Variants in PSD3 observed in about 807,000 individuals in gnomAD.
PSD3 encodes the protein PH and SEC7 domain-containing protein 3.
Under a neutral mutation model 105.5 loss-of-function variants are expected in PSD3, and 49 were observed. The observed-to-expected ratio is 0.46, with a 90% CI of 0.37 to 0.59. The LOEUF (loss-of-function observed/expected upper bound fraction) is 0.59, where lower values mean the gene tolerates loss of function less well. Among genes scored for constraint, PSD3 ranks in the 20% least tolerant of loss-of-function variants. PSD3 has a pLI of 0.00. For missense variants in PSD3, 1,561 were observed against 1,263.8 expected, an observed-to-expected ratio of 1.24 and a Z score of -3.57; for synonymous variants, 557 against 457.8, an observed-to-expected ratio of 1.22 and a Z score of -2.77.
In PSD3 at chr8:18,533,608, G is replaced by A. The variant is rs541978702; in HGVS notation, c.*2135C>T. 1.5e-4 allele frequency: 23 copies of A among 152,244 alleles called. No individual in the cohort carries two copies. Among genetic ancestry groups the A allele is most frequent in the African/African-American group, 5.3e-4 (22 of 41,544 alleles). The allele number at this position is 152,244 out of a possible 1,614,324, so 9.4% of individuals were successfully genotyped here. ...TTCTATATACATAGATATAGACTGT[G>A]GGCAAACACATTCAAGCCACTCAGG... On this transcript the variant is annotated 3_prime_UTR_variant, in exon 16 of 16. Transcript: ENST00000327040.
At chr8:18,882,691 C>G (rs1818185891) in intron 2 of PSD3, among the ~76,000 whole-genome samples, 1 of 151,954 alleles carries the variant, frequency 6.6e-6, no homozygotes, top group Non-Finnish European at 1.5e-5. Flanking sequence ...TCCACAGAAG[C>G]CTATTTACAT....
intron 9 of PSD3, among the ~76,000 whole-genome samples, chr8:18,759,414 A>C (rs1231121392): frequency 3.3e-5 from 5 of 152,116 alleles, no homozygotes; most frequent in Non-Finnish European, 7.4e-5. Context: ...AACATTCTGC[A>C]AATTGTGTTC....
intron 1 of PSD3, among the ~76,000 whole-genome samples, chr8:18,966,483 A>T (rs528123335): frequency 1.3e-5 from 2 of 152,024 alleles, no homozygotes; most frequent in Admixed American, 1.3e-4. Context: ...AGGTAGGAGA[A>T]TTACTTGAAC....
rs547547739 is a variant in PSD3 at position 19,005,831 on chromosome 8, T to C, written c.21+7732A>G. ...GATGAATATGCTCTAAAATTGACTA[T>C]GGTGATGGGTGCACAACTCCATGAA... On this transcript the variant is annotated intron_variant, in intron 1 of 15. Coordinates refer to ENST00000327040, the MANE Select transcript of PSD3 (RefSeq NM_015310.4). Among the ~76,000 whole-genome samples the C allele has an allele frequency of 1.2e-3, 179 of 151,972 alleles. 2 individuals carry two copies. Among genetic ancestry groups the C allele is most frequent in the Non-Finnish European group, 7.2e-4 (49 of 67,918 alleles).
chr8:18,535,889 T>G lies in PSD3; in HGVS notation c.2998A>C (p.Ser1000Arg), dbSNP rs201389897. The change falls in exon 16 of 16, where the codon AGC becomes CGC. Residue 1000 changes from serine (S) to arginine (R), a missense_variant. Transcript: ENST00000327040. ...GACTTCTTCAGTCCTGCAGCCTCGC[T>G]TTCATCGTTACTCAGTAGCTCTTTG... Reference protein sequence around the residue: ...GGKELLSNDESEAAGLKKSHS... With the variant: ...GGKELLSNDEREAAGLKKSHS... 1 of 1,614,076 alleles carries G rather than the reference T, an allele frequency of 6.2e-7. No individual in the cohort carries two copies. Among genetic ancestry groups the G allele is most frequent in the African/African-American group, 1.3e-5 (1 of 74,930 alleles).
At chr8:18,542,615 C>T (rs886200248) in intron 15 of PSD3, among the ~76,000 whole-genome samples, 1 of 152,266 alleles carries the variant, frequency 6.6e-6, no homozygotes, top group Admixed American at 6.5e-5. Flanking sequence ...AGATAGGGCA[C>T]ATTAAAAATG....
chr8:18,934,420 T>C (rs1158354248), intron 2 of PSD3, among the ~76,000 whole-genome samples: 2 of 151,414 alleles, frequency 1.3e-5, no homozygotes, highest in South Asian at 2.1e-4. Context: ...TCTAAGATCC[T>C]TTTTTTTTGA....
At chr8:18,926,819 G>A (rs531553894) in intron 2 of PSD3, among the ~76,000 whole-genome samples, 25 of 152,104 alleles carry the variant, frequency 1.6e-4, no homozygotes, top group Middle Eastern at 3.4e-3. Flanking sequence ...CTATCTACCC[G>A]GATATGGCAT....
At chr8:18,840,837 T>C (rs1814559637) in intron 4 of PSD3, among the ~76,000 whole-genome samples, 1 of 152,130 alleles carries the variant, frequency 6.6e-6, no homozygotes, top group Non-Finnish European at 1.5e-5. Flanking sequence ...GAATACAGAA[T>C]ATATAAAGGG....
chr8:18,592,493 C>G (rs190505174), intron 12 of PSD3, among the ~76,000 whole-genome samples: 2 of 152,076 alleles, frequency 1.3e-5, no homozygotes, highest in Non-Finnish European at 2.9e-5. Flanking sequence ...AAACAGACAT[C>G]CAGATTCGAG....
At chr8:18,690,683 G>A (rs1011973626) in intron 9 of PSD3, among the ~76,000 whole-genome samples, 2 of 152,148 alleles carry the variant, frequency 1.3e-5, no homozygotes, top group East Asian at 1.9e-4. Flanking sequence ...ACACACCACC[G>A]CTTTCCTAAA....
intron 2 of PSD3, among the ~76,000 whole-genome samples, chr8:18,921,174 T>G (rs1045076971): frequency 6.6e-6 from 1 of 152,218 alleles, no homozygotes; most frequent in African/African-American, 2.4e-5. Flanking sequence ...CAGAATTATC[T>G]TCTCACTATT....
intron 1 of PSD3, among the ~76,000 whole-genome samples, chr8:18,996,931 G>A (rs1826108168): frequency 6.6e-6 from 1 of 151,710 alleles, no homozygotes; most frequent in Non-Finnish European, 1.5e-5. Flanking sequence ...TTACTTCCCG[G>A]GAGAATCTGA....
intron 14 of PSD3, among the ~76,000 whole-genome samples, chr8:18,559,944 T>C (rs1801295551): frequency 6.6e-6 from 1 of 152,158 alleles, no homozygotes. Context: ...ACAAAGGAAC[T>C]AACCGAGGAA....
chr8:18,814,595 C>T (rs2638660), intron 4 of PSD3, among the ~76,000 whole-genome samples: 150,898 of 152,370 alleles, frequency 0.99, 74,745 homozygotes, highest in Middle Eastern at 1. Context: ...ACCCATATTA[C>T]AATCATTTCA....
intron 9 of PSD3, among the ~76,000 whole-genome samples, chr8:18,658,905 C>T (rs1183607893): frequency 6.6e-6 from 1 of 152,122 alleles, no homozygotes; most frequent in East Asian, 1.9e-4. Flanking sequence ...CCTTGTTTCT[C>T]CACTACACAA....
intron 2 of PSD3, among the ~76,000 whole-genome samples, chr8:18,917,293 C>T (rs1820687538): frequency 6.6e-6 from 1 of 152,198 alleles, no homozygotes; most frequent in African/African-American, 2.4e-5. Flanking sequence ...TCCATTTCTC[C>T]TCTTCCCTTA....
chr8:19,045,865 G>A (rs1563528331), intron 1 of PSD3, among the ~76,000 whole-genome samples: 1 of 152,160 alleles, frequency 6.6e-6, no homozygotes. Flanking sequence ...TCAGGTAAGT[G>A]TTTTTATTCC....
intron 12 of PSD3, among the ~76,000 whole-genome samples, chr8:18,599,222 C>A (rs1163548547): frequency 6.6e-6 from 1 of 152,012 alleles, no homozygotes; most frequent in Non-Finnish European, 1.5e-5. Flanking sequence ...ATGCATAGAC[C>A]AACAGAATGG....
Sources: gnomAD v4.1 joint callset for allele counts (sites outside exome capture counted in the v4.1 genomes callset) on GRCh38, gnomAD v4.1.1 for gene constraint, MANE v1.5 for transcripts, NCBI Gene and HGNC (gene_info 2026-07-23, HGNC 2026-07-21) for gene names.